Variants in WDR93 observed in about 807,000 individuals in gnomAD.
WDR93 encodes the protein WD repeat domain 93.
A neutral mutation model predicts 82.9 loss-of-function variants in WDR93; 73 were observed. The observed-to-expected ratio is 0.88, with a 90% CI of 0.73 to 1.07. The LOEUF (loss-of-function observed/expected upper bound fraction) is 1.07. WDR93 is among the 50% of genes least tolerant of loss of function. The pLI is 0.00. For synonymous variants in WDR93, 283 were observed against 300.1 expected (o/e 0.94, Z 0.59); for missense variants, 738 against 826.0 (o/e 0.89, Z 1.31).
intron 6 of WDR93, among the ~76,000 whole-genome samples, 154 bp from the exon 7 acceptor site, chr15:89,716,757 C>T (rs1242551062): frequency 1.3e-5 from 2 of 152,262 alleles, no homozygotes; most frequent in South Asian, 2.1e-4. Context: ...GTTCTGCAGG[C>T]CAGAGGCCCA....
chr15:89,730,706 G>A (rs1262946396), intron 11 of WDR93, among the ~76,000 whole-genome samples: 2 of 151,870 alleles, frequency 1.3e-5, no homozygotes, highest in African/African-American at 4.8e-5. Context: ...AACCAGTCTG[G>A]GCAACATAGG....
chr15:89,699,444 A>G (rs1332964905), intron 1 of WDR93, among the ~76,000 whole-genome samples: 1 of 151,318 alleles, frequency 6.6e-6, no homozygotes. Context: ...CTGCTTTCAA[A>G]TTTTCTCTTT....
At position 89,701,919 on chromosome 15, in the gene WDR93, G is replaced by A. The variant is rs765065164; in HGVS notation, c.173G>A (p.Arg58Gln). 44 of 1,614,014 alleles carry A rather than the reference G, an allele frequency of 2.7e-5. No individual in the cohort carries two copies. Among genetic ancestry groups the A allele is most frequent in the Non-Finnish European group, 3.6e-5 (42 of 1,180,022 alleles). ...CTGGATTCCTTGCCTCAGCCTTATCGAATGATCAACAAGCTGGTGAACCTT... is the reference window on the plus strand; with the variant it reads ...CTGGATTCCTTGCCTCAGCCTTATCAAATGATCAACAAGCTGGTGAACCTT... ...EELDSLPQPYRMINKLVNLLF... is the reference protein window; with the variant it reads ...EELDSLPQPYQMINKLVNLLF... Residue 58 changes from arginine to glutamine, a missense_variant, in exon 2 of 17, where the codon CGA becomes CAA. Coordinates refer to ENST00000268130, the MANE Select transcript of WDR93 (RefSeq NM_020212.2).
intron 16 of WDR93, among the ~76,000 whole-genome samples, chr15:89,742,700 G>A (rs1162764980): frequency 3.3e-5 from 5 of 151,942 alleles, no homozygotes; most frequent in African/African-American, 1.2e-4. Flanking sequence ...CGCCTGGCAA[G>A]TTTTGTATTT....
chr15:89,701,949 T>A lies in WDR93; in HGVS notation c.203T>A (p.Phe68Tyr). Residue 68 changes from phenylalanine to tyrosine, a missense_variant, in exon 2 of 17, where the codon TTT becomes TAT. Phe to Tyr is a conservative substitution (Grantham distance 22). Coordinates refer to ENST00000268130, the MANE Select transcript of WDR93 (RefSeq NM_020212.2). ...RMINKLVNLL[F>Y]DQSWEIIEER... ...ATCAACAAGCTGGTGAACCTTCTGT[T>A]TGACCAGTCTTGGGAAATTATTGAA... is the stretch of plus-strand genomic sequence containing the variant. 1 of 1,614,062 alleles carries A rather than the reference T, an allele frequency of 6.2e-7. No homozygotes were observed.
chr15:89,714,253 A>G (rs1161490418), intron 5 of WDR93: 2 of 152,244 alleles, frequency 1.3e-5, no homozygotes, highest in Admixed American at 6.5e-5. Context: ...AGCAGCACAT[A>G]TACTAAAACT....
intron 3 of WDR93, 186 bp from the exon 4 acceptor site, chr15:89,705,368 G>A (rs779233296): frequency 9.5e-5 from 57 of 600,674 alleles, no homozygotes; most frequent in Non-Finnish European, 1.3e-4. Context: ...AAAACAACCC[G>A]AACATTCAAG....
intron 11 of WDR93, among the ~76,000 whole-genome samples, chr15:89,730,241 C>T (rs1432268457): frequency 6.7e-6 from 1 of 149,108 alleles, no homozygotes; most frequent in Non-Finnish European, 1.5e-5. Context: ...AGGAGAATCA[C>T]ATGAACCTGG....
At chr15:89,729,126 C>G (rs778238222) in intron 10 of WDR93, 33 bp downstream of exon 10, 13 of 1,593,308 alleles carry the variant, frequency 8.2e-6, no homozygotes, top group Non-Finnish European at 9.5e-6. Context: ...GTTGTCCTAG[C>G]AAGGAGTCAC....
chr15:89,722,958 A>G (rs1247855330), intron 8 of WDR93, among the ~76,000 whole-genome samples: 2 of 152,170 alleles, frequency 1.3e-5, no homozygotes, highest in Non-Finnish European at 2.9e-5. Context: ...TAATCCTAGC[A>G]CTTTGGGAGG....
rs1340993232 is a variant in WDR93, at chr15:89,733,006, G to A, written c.1331G>A (p.Gly444Glu). The A allele has an allele frequency of 6.2e-7, 1 of 1,614,012 alleles. No homozygotes were observed. Among genetic ancestry groups the A allele is most frequent in the East Asian group, 2.2e-5 (1 of 44,876 alleles). The stretch of plus-strand genomic sequence containing the variant: ...CGGCTTGTGTGATTACTTTCTCTAG[G>A]ATTCCCTCTTGGGGTCGCTGCTCTT... ...GVLTLWDLAK[G>E]FPLGVAALPQ... Residue 444 changes from glycine (G) to glutamate (E), a missense_variant and splice_region_variant, in exon 13 of 17, where the codon GGA becomes GAA. Coordinates refer to ENST00000268130, the MANE Select transcript of WDR93 (RefSeq NM_020212.2).
At chr15:89,708,640 G>A (rs1319351935) in intron 4 of WDR93, among the ~76,000 whole-genome samples, 1 of 152,216 alleles carries the variant, frequency 6.6e-6, no homozygotes, top group Non-Finnish European at 1.5e-5. Context: ...TCAAGGAGGT[G>A]TATTTGGACA....
At chr15:89,724,964 G>A (rs1368268283) in intron 8 of WDR93, among the ~76,000 whole-genome samples, 1 of 152,166 alleles carries the variant, frequency 6.6e-6, no homozygotes, top group African/African-American at 2.4e-5. Flanking sequence ...ACTGCTAGGT[G>A]ATAGGGTGAC....
At chr15:89,723,235 A>C (rs1966599212) in intron 8 of WDR93, among the ~76,000 whole-genome samples, 1 of 151,484 alleles carries the variant, frequency 6.6e-6, no homozygotes, top group Non-Finnish European at 1.5e-5. Flanking sequence ...TAAATAAATA[A>C]ATAAATCTGG....
At chr15:89,731,698 A>C in intron 12 of WDR93, 136 bp downstream of exon 12, 1 of 1,131,222 alleles carries the variant, frequency 8.8e-7, no homozygotes, top group Non-Finnish European at 1.3e-6. Context: ...AACTGGTCCT[A>C]CTCCCCTCTC....
intron 5 of WDR93, 102 bp from the exon 6 acceptor site, chr15:89,714,878 G>C (rs1055030786): frequency 2.2e-6 from 2 of 922,168 alleles, no homozygotes; most frequent in African/African-American, 3.3e-5. Flanking sequence ...GGAGGTGGCT[G>C]GTCTCTTTGC....
At chr15:89,694,248 CTTTTTTTT>C (rs907842374) in intron 1 of WDR93, among the ~76,000 whole-genome samples, 54 of 125,166 alleles carry the variant, frequency 4.3e-4, no homozygotes, top group South Asian at 1.1e-3. Flanking sequence ...TGGGTTATTT[CTTTTTTTT>C]TTTTTTTTTT....
At chr15:89,708,111 C>T (rs1286729808) in intron 4 of WDR93, among the ~76,000 whole-genome samples, 2 of 152,172 alleles carry the variant, frequency 1.3e-5, no homozygotes, top group African/African-American at 4.8e-5. Flanking sequence ...GAAAACAGAT[C>T]TGTTGTTGCC....
chr15:89,725,934 G>C (rs1172809435), intron 8 of WDR93, among the ~76,000 whole-genome samples: 5 of 151,976 alleles, frequency 3.3e-5, no homozygotes, highest in Admixed American at 3.3e-4. Context: ...GGTATATTAA[G>C]GTATATATTT....
Sources: allele counts gnomAD v4.1 joint callset (sites outside exome capture counted in the v4.1 genomes callset), GRCh38; gene constraint gnomAD v4.1.1; transcripts MANE v1.5; gene names NCBI Gene and HGNC (gene_info 2026-07-23, HGNC 2026-07-21).